Variants in DDAH1 observed in about 807,000 individuals in gnomAD.
DDAH1 encodes N(G),N(G)-dimethylarginine dimethylaminohydrolase 1.
DDAH1 carries 19 observed loss-of-function variants against 28.8 expected under a neutral mutation model. The observed-to-expected ratio is 0.66, with a 90% CI of 0.46 to 0.97. DDAH1 has a LOEUF of 0.97. Among genes scored for constraint, DDAH1 ranks in the 50% least tolerant of loss-of-function variants. The pLI is 0.00. For missense variants in DDAH1, 326 were observed against 375.9 expected (o/e 0.87, Z 1.10); for synonymous variants, 153 against 154.4 (o/e 0.99, Z 0.07).
intron 1 of DDAH1, among the ~76,000 whole-genome samples, chr1:85,577,705 C>G (rs1659652077): frequency 6.6e-6 from 1 of 151,996 alleles, no homozygotes; most frequent in African/African-American, 2.4e-5. Flanking sequence ...ACTGGAGTCG[C>G]CAGATTTACC....
At chr1:85,539,169 A>AG (rs1443837585) in intron 1 of DDAH1, among the ~76,000 whole-genome samples, 2 of 151,176 alleles carry the variant, frequency 1.3e-5, no homozygotes, top group Non-Finnish European at 2.9e-5. Context: ...TTTTTGAAAC[A>AG]GAGTTTTGCT....
chr1:85,431,138 T>G (rs1174114788), intron 1 of DDAH1, among the ~76,000 whole-genome samples: 1 of 152,212 alleles, frequency 6.6e-6, no homozygotes, highest in Non-Finnish European at 1.5e-5. Context: ...TTTCTGCATG[T>G]ATTGAGATAA....
chr1:85,531,579 T>G (rs1191544590), intron 1 of DDAH1, among the ~76,000 whole-genome samples: 1 of 150,724 alleles, frequency 6.6e-6, no homozygotes, highest in Non-Finnish European at 1.5e-5. Flanking sequence ...GTGTATTACA[T>G]TCCTCACAAT....
intron 1 of DDAH1, among the ~76,000 whole-genome samples, chr1:85,394,698 G>A (rs912872081): frequency 6.6e-6 from 1 of 152,138 alleles, no homozygotes; most frequent in African/African-American, 2.4e-5. Flanking sequence ...GGCCAGCTTT[G>A]TTTAACGACC....
chr1:85,443,852 G>A (rs1445512171), intron 1 of DDAH1, among the ~76,000 whole-genome samples: 1 of 152,096 alleles, frequency 6.6e-6, no homozygotes, highest in Non-Finnish European at 1.5e-5. Flanking sequence ...TGTGATTTTT[G>A]CACATTGATT....
intron 2 of DDAH1, among the ~76,000 whole-genome samples, chr1:85,478,748 C>A (rs142568854): frequency 2.0e-5 from 3 of 152,236 alleles, no homozygotes; most frequent in Admixed American, 6.5e-5. Context: ...ATATTGTCTG[C>A]CTTATTGCAA....
chr1:85,341,087 C>T (rs1301056734), intron 4 of DDAH1, among the ~76,000 whole-genome samples: 1 of 152,192 alleles, frequency 6.6e-6, no homozygotes, highest in Admixed American at 6.5e-5. Context: ...ATTTATTAGC[C>T]ACTTATGTTG....
chr1:85,502,768 C>T (rs1181642009), intron 1 of DDAH1, among the ~76,000 whole-genome samples: 3 of 152,198 alleles, frequency 2.0e-5, no homozygotes, highest in Non-Finnish European at 1.5e-5. Context: ...ATTAAAGAGT[C>T]CTCTTTTGCT....
chr1:85,480,157 ATTC>A (rs1253252440), intron 2 of DDAH1, among the ~76,000 whole-genome samples: 1 of 152,082 alleles, frequency 6.6e-6, no homozygotes, highest in Non-Finnish European at 1.5e-5. Flanking sequence ...CACCTTAGAA[ATTC>A]TTCTATGTGC....
chr1:85,324,935 A>G (rs770541127), intron 4 of DDAH1, 52 bp from the exon 5 acceptor site: 3 of 1,601,418 alleles, frequency 1.9e-6, no homozygotes, highest in Non-Finnish European at 1.7e-6. Flanking sequence ...CACACTTTCA[A>G]ACAGAAGGAA....
intron 1 of DDAH1, among the ~76,000 whole-genome samples, chr1:85,540,544 T>C (rs1658441083): frequency 6.6e-6 from 1 of 152,264 alleles, no homozygotes; most frequent in Admixed American, 6.5e-5. Flanking sequence ...TCCATTAGAG[T>C]ATGCTTCTTC....
Position 85,321,435 on chromosome 1 carries a change from G to T in DDAH1, c.*17C>A, listed in dbSNP as rs3087894. On this transcript the variant is annotated 3_prime_UTR_variant, in exon 6 of 6. Transcript: ENST00000284031. ...TGCCTGTGCGGTCTTGCCGGCTACCGGGGGGGACTCTGCAGCTCAGGAGTC... is the reference window on the plus strand; with the variant it reads ...TGCCTGTGCGGTCTTGCCGGCTACCTGGGGGGACTCTGCAGCTCAGGAGTC... The T allele has an allele frequency of 5.8e-6, 9 of 1,558,126 alleles. No individual in the cohort carries two copies. The highest frequency in any genetic ancestry group is 2.3e-5 in the East Asian group (1 of 44,412).
chr1:85,415,300 C>T (rs978480954), intron 1 of DDAH1, among the ~76,000 whole-genome samples: 1 of 152,146 alleles, frequency 6.6e-6, no homozygotes, highest in African/African-American at 2.4e-5. Context: ...AGGTGTGAAA[C>T]CACTGCACCT....
chr1:85,497,762 A>G (rs901853684), intron 1 of DDAH1, among the ~76,000 whole-genome samples: 7 of 152,242 alleles, frequency 4.6e-5, no homozygotes, highest in African/African-American at 1.7e-4. Flanking sequence ...ATAAGATTAT[A>G]AAATGTAACA....
chr1:85,496,172 T>C (rs1377093358), exon 2 of DDAH1: 3 of 959,780 alleles, frequency 3.1e-6, no homozygotes, highest in Non-Finnish European at 2.5e-6. Flanking sequence ...TTACCTAATA[T>C]AAATTTAGAA....
At chr1:85,428,465 G>A (rs115296194) in intron 1 of DDAH1, among the ~76,000 whole-genome samples, 6,445 of 152,034 alleles carry the variant, frequency 0.042, 475 homozygotes, top group African/African-American at 0.15. Context: ...GGAAAGATTC[G>A]CCCCCATGAT....
intron 1 of DDAH1, among the ~76,000 whole-genome samples, chr1:85,439,468 C>T (rs1399888434): frequency 6.6e-6 from 1 of 152,246 alleles, no homozygotes; most frequent in East Asian, 1.9e-4. Flanking sequence ...GTGAAAAAGG[C>T]TTCCATTACA....
chr1:85,384,138 C>G (rs990804478), intron 1 of DDAH1, among the ~76,000 whole-genome samples: 1 of 152,182 alleles, frequency 6.6e-6, no homozygotes, highest in African/African-American at 2.4e-5. Flanking sequence ...GAGGTCTCTC[C>G]TTTCTGGCTT....
At chr1:85,468,520 C>A (rs1252642030), upstream of DDAH1, among the ~76,000 whole-genome samples, 1 of 140,494 alleles carries the variant, frequency 7.1e-6, no homozygotes, top group East Asian at 2.1e-4. Flanking sequence ...GGGGAACTCT[C>A]CTTTTTTTTT....
Sources: allele counts gnomAD v4.1 joint callset (sites outside exome capture counted in the v4.1 genomes callset), GRCh38; gene constraint gnomAD v4.1.1; transcripts MANE v1.5; gene names NCBI Gene and HGNC (gene_info 2026-07-23, HGNC 2026-07-21).